HERPUD2: variants seen among roughly 807,000 people sequenced by gnomAD.
HERPUD2 encodes the protein HERPUD family member 2.
HERPUD2 carries 13 observed loss-of-function variants against 49.9 expected under a neutral mutation model. The observed-to-expected ratio is 0.26, with a 90% CI of 0.17 to 0.41. The LOEUF is 0.41. HERPUD2 is among the 10% of genes least tolerant of loss of function. The probability of loss-of-function intolerance (pLI) is 1.00; values close to 1 mark genes in which losing one functional copy is unlikely to be tolerated. For missense variants in HERPUD2, 449 were observed against 492.2 expected (o/e 0.91, Z 0.83); for synonymous variants, 172 against 171.4 (o/e 1.00, Z -0.03).
chr7:35,673,163 G>C (rs1000499007), intron 3 of HERPUD2, 38 bp downstream of exon 3: 2 of 1,469,262 alleles, frequency 1.4e-6, no homozygotes, highest in Non-Finnish European at 1.9e-6. Flanking sequence ...CTCACATTCT[G>C]AATGTATCTG....
chr7:35,687,516 C>T (rs1364317533), intron 2 of HERPUD2, among the ~76,000 whole-genome samples: 1 of 152,158 alleles, frequency 6.6e-6, no homozygotes, highest in African/African-American at 2.4e-5. Flanking sequence ...CTGAGTGGCC[C>T]AGAAACAGAA....
At chr7:35,674,013 A>G (rs1785697144) in intron 2 of HERPUD2, among the ~76,000 whole-genome samples, 1 of 152,120 alleles carries the variant, frequency 6.6e-6, no homozygotes, top group African/African-American at 2.4e-5. Flanking sequence ...ATAACTGCAA[A>G]ACAGGTGAAT....
In HERPUD2 at chr7:35,694,346, A is replaced by C. The variant is rs1252398413; in HGVS notation, c.-16T>G. ...TTTGGTCCATGGTGCCCCCAAAGTC[A>C]GACAGAGTCCAGAGGAGCGGCAGTT... On this transcript the variant is annotated 5_prime_UTR_variant, in exon 2 of 9. Transcript: ENST00000311350. 1 of 1,614,094 alleles carries C rather than the reference A, an allele frequency of 6.2e-7. No individual in the cohort carries two copies. The highest frequency in any genetic ancestry group is 1.3e-5 in the African/African-American group (1 of 75,058).
intron 2 of HERPUD2, among the ~76,000 whole-genome samples, chr7:35,681,610 T>C (rs1421104932): frequency 1.3e-5 from 2 of 152,100 alleles, no homozygotes; most frequent in Admixed American, 6.6e-5. Context: ...AAACAAAATA[T>C]GGTGTATATA....
At chr7:35,638,907 A>T (rs1227796446) in intron 5 of HERPUD2, among the ~76,000 whole-genome samples, 1 of 152,248 alleles carries the variant, frequency 6.6e-6, no homozygotes, top group Non-Finnish European at 1.5e-5. Flanking sequence ...TATTATTAAA[A>T]TATAGCAGCT....
intron 2 of HERPUD2, among the ~76,000 whole-genome samples, chr7:35,678,077 C>T (rs1046866464): frequency 6.6e-6 from 1 of 152,118 alleles, no homozygotes; most frequent in Non-Finnish European, 1.5e-5. Flanking sequence ...CTGCTCCTCC[C>T]ACATCATGCA....
chr7:35,653,195 A>G (rs1470676378), intron 5 of HERPUD2, among the ~76,000 whole-genome samples: 1 of 152,220 alleles, frequency 6.6e-6, no homozygotes, highest in Non-Finnish European at 1.5e-5. Flanking sequence ...AATTCATCTC[A>G]ACTGTAAATG....
intron 1 of HERPUD2, 56 bp from the exon 2 acceptor site, chr7:35,694,683 G>A (rs1786278115): frequency 3.9e-6 from 1 of 256,088 alleles, no homozygotes; most frequent in Non-Finnish European, 7.8e-6. Context: ...CGGGGTCACT[G>A]CCCCGCCCCA....
intron 2 of HERPUD2, among the ~76,000 whole-genome samples, chr7:35,686,302 C>T (rs1406640729): frequency 0.14 from 2 of 14 alleles, no homozygotes; most frequent in Admixed American, 0.33. Context: ...CATTCTCCTG[C>T]GTCACGTCCC....
intron 5 of HERPUD2, among the ~76,000 whole-genome samples, chr7:35,653,482 C>T (rs1447770267): frequency 6.6e-6 from 1 of 152,030 alleles, no homozygotes; most frequent in Non-Finnish European, 1.5e-5. Flanking sequence ...GTGCTAGGGA[C>T]ATCAACACCC....
chr7:35,687,474 C>A (rs1786088106), intron 2 of HERPUD2, among the ~76,000 whole-genome samples: 2 of 152,258 alleles, frequency 1.3e-5, no homozygotes, highest in Admixed American at 1.3e-4. Flanking sequence ...AATAATAAGA[C>A]AAAGAACAAG....
At position 35,660,268 on chromosome 7, in the gene HERPUD2, A is replaced by G. The variant is rs189291462; in HGVS notation, c.494+7166T>C. Among the ~76,000 whole-genome samples, 1,038 of 152,284 alleles carry G rather than the reference A, an allele frequency of 6.8e-3. 11 individuals carry two copies. Among genetic ancestry groups the G allele is most frequent in the African/African-American group, 0.024 (988 of 41,552 alleles). The stretch of plus-strand genomic sequence containing the variant: ...TATATGTGCCACATTTTCTTAATCC[A>G]GTCTATCATTGATGGACATTTGGGT... On this transcript the variant is annotated intron_variant, in intron 5 of 8. Transcript: ENST00000311350.
intron 5 of HERPUD2, among the ~76,000 whole-genome samples, chr7:35,645,900 T>C (rs1425999526): frequency 2.6e-5 from 4 of 152,188 alleles, no homozygotes; most frequent in Admixed American, 2.6e-4. Context: ...GAAATGAAAC[T>C]CTTACATACT....
chr7:35,677,532 A>G (rs1038531461), intron 2 of HERPUD2, among the ~76,000 whole-genome samples: 2 of 152,200 alleles, frequency 1.3e-5, no homozygotes, highest in African/African-American at 4.8e-5. Context: ...CCTAATTGGA[A>G]TTGATTCAAG....
chr7:35,655,781 A>G (rs533796471), intron 5 of HERPUD2, among the ~76,000 whole-genome samples: 2 of 152,336 alleles, frequency 1.3e-5, no homozygotes, highest in Admixed American at 6.5e-5. Context: ...CTCCACCAAT[A>G]AACTTTTAGA....
chr7:35,635,578 T>G, intron 6 of HERPUD2, 120 bp from the exon 7 acceptor site: 1 of 782,104 alleles, frequency 1.3e-6, no homozygotes, highest in Non-Finnish European at 2.0e-6. Flanking sequence ...ATATCCCAAC[T>G]CCTGCACCAC....
intron 5 of HERPUD2, among the ~76,000 whole-genome samples, chr7:35,650,659 C>A (rs186294567): frequency 3.3e-5 from 5 of 152,196 alleles, no homozygotes; most frequent in Non-Finnish European, 7.4e-5. Context: ...AGCAACCCCA[C>A]ACCTGTGAAC....
rs772676356 is a variant in HERPUD2 at position 35,634,363 on chromosome 7, G to A, written c.1008C>T (p.Ala336=). ...CATTTTGCCCATCATTGTTAACTTC[G>A]GCATTATTGTTGGGAGCCTGCTGAT... The part of the protein sequence containing the change: ...GGHQQAPNNN[A]EVNNDGQNAN... The change falls in exon 8 of 9, where the codon GCC becomes GCT. Residue 336 remains alanine, a synonymous_variant. Coordinates refer to ENST00000311350, the MANE Select transcript of HERPUD2 (RefSeq NM_022373.5). 13 of 1,613,658 alleles carry A rather than the reference G, an allele frequency of 8.1e-6. No homozygotes were observed. Among genetic ancestry groups the A allele is most frequent in the South Asian group, 3.3e-5 (3 of 91,060 alleles).
chr7:35,659,733 A>C (rs897927288), intron 5 of HERPUD2, among the ~76,000 whole-genome samples: 1 of 152,230 alleles, frequency 6.6e-6, no homozygotes, highest in Admixed American at 6.5e-5. Flanking sequence ...TATTAAAAAT[A>C]AAATATAATT....
Sources: allele counts gnomAD v4.1 joint callset (sites outside exome capture counted in the v4.1 genomes callset), GRCh38; gene constraint gnomAD v4.1.1; transcripts MANE v1.5; gene names NCBI Gene and HGNC (gene_info 2026-07-23, HGNC 2026-07-21).